The following NISCH variants were observed in gnomAD, a reference collection of about 807,000 sequenced individuals.
NISCH encodes the protein nischarin, also known as I-1 receptor candidate protein.
In NISCH, 55 loss-of-function variants were observed where a neutral mutation model predicts 138.4. The observed-to-expected ratio is 0.40, with a 90% CI of 0.32 to 0.50. The LOEUF is 0.50. Among genes scored for constraint, NISCH ranks in the 20% least tolerant of loss-of-function variants. NISCH has a pLI of 0.71. For missense variants in NISCH, 1,643 were observed against 2,005.5 expected (o/e 0.82, Z 3.45); for synonymous variants, 860 against 861.5 (o/e 1.00, Z 0.03).
intron 18 of NISCH, 99 bp from the exon 19 acceptor site, chr3:52,490,606 G>C: frequency 6.5e-7 from 1 of 1,537,378 alleles, no homozygotes; most frequent in Non-Finnish European, 8.9e-7. Context: ...TGGAAGCCAG[G>C]CCAGCCAAGA....
chr3:52,478,881 A>C (rs1243980677), intron 11 of NISCH, among the ~76,000 whole-genome samples: 1 of 152,102 alleles, frequency 6.6e-6, no homozygotes, highest in Non-Finnish European at 1.5e-5. Context: ...TGTAAACCCA[A>C]AGGGTTTGCC....
At chr3:52,458,913 A>T in intron 3 of NISCH, 69 bp downstream of exon 3, 1 of 1,393,034 alleles carries the variant, frequency 7.2e-7, no homozygotes, top group East Asian at 2.3e-5. Flanking sequence ...GCAGCAAACC[A>T]GGGGAGACCT....
chr3:52,492,160 A>G lies in NISCH; in HGVS notation c.4193A>G (p.Glu1398Gly). 6.2e-7 allele frequency: 1 copy of G among 1,613,044 alleles called. No homozygotes were observed. The highest frequency in any genetic ancestry group is 2.2e-5 in the East Asian group (1 of 44,874). Reference protein sequence around the residue: ...VHYPLPEFAKEPPQRDRYRLD... With the variant: ...VHYPLPEFAKGPPQRDRYRLD... Reference sequence around the variant, plus strand: ...TACCCACTGCCCGAGTTTGCCAAAGAGCCGCCGCAGAGAGACAGGTACCGG... The same window carrying G: ...TACCCACTGCCCGAGTTTGCCAAAGGGCCGCCGCAGAGAGACAGGTACCGG... Residue 1398 changes from glutamate to glycine, a missense_variant, in exon 21 of 21, where the codon GAG (glutamate) becomes GGG (glycine). Physicochemically the swap from Glu to Gly is moderately conservative, Grantham distance 98. Transcript: ENST00000345716.
chr3:52,457,675 C>G (rs1409921340), intron 1 of NISCH, among the ~76,000 whole-genome samples, 168 bp from the exon 2 acceptor site: 1 of 152,200 alleles, frequency 6.6e-6, no homozygotes, highest in African/African-American at 2.4e-5. Flanking sequence ...GGTGCAGAGG[C>G]TGGTGGGCAA....
chr3:52,480,069 A>G (rs1380167273), intron 12 of NISCH, 115 bp from the exon 13 acceptor site: 1 of 1,197,824 alleles, frequency 8.3e-7, no homozygotes, highest in African/African-American at 1.5e-5. Context: ...ATATGATGAG[A>G]CCATCTTTAC....
chr3:52,466,649 A>G (rs534965664), intron 3 of NISCH, among the ~76,000 whole-genome samples: 1 of 152,014 alleles, frequency 6.6e-6, no homozygotes, highest in South Asian at 2.1e-4. Context: ...CCTCAGTGAC[A>G]TGTAATTCAC....
At chr3:52,457,155 G>C (rs185996991) in intron 1 of NISCH, among the ~76,000 whole-genome samples, 1 of 152,190 alleles carries the variant, frequency 6.6e-6, no homozygotes, top group Non-Finnish European at 1.5e-5. Context: ...AGAGAACTTA[G>C]GCTCCAAGTT....
intron 2 of NISCH, among the ~76,000 whole-genome samples, chr3:52,458,459 A>G (rs9850471): frequency 0.96 from 146,639 of 152,278 alleles, 70,657 homozygotes; most frequent in African/African-American, 0.99. Flanking sequence ...TTCCTTGTCT[A>G]GAATTGTATT....
intron 6 of NISCH, 60 bp downstream of exon 6, chr3:52,472,458 G>T: frequency 2.1e-6 from 3 of 1,410,984 alleles, no homozygotes; most frequent in Non-Finnish European, 2.0e-6. Flanking sequence ...GAGAGTGTTT[G>T]TGATGTTGGG....
intron 3 of NISCH, among the ~76,000 whole-genome samples, chr3:52,462,534 C>G (rs1706664837): frequency 1.3e-5 from 2 of 152,244 alleles, no homozygotes; most frequent in Admixed American, 1.3e-4. Context: ...TTTATACTGT[C>G]TGTATCCTCT....
At chr3:52,480,466 G>A in intron 13 of NISCH, 171 bp downstream of exon 13, 34 of 1,533,712 alleles carry the variant, frequency 2.2e-5, no homozygotes, top group Non-Finnish European at 2.9e-5. Flanking sequence ...TGGCAGGGGT[G>A]CCTGGCCTGA....
At position 52,487,490 on chromosome 3, in the gene NISCH, G is replaced by T; in HGVS notation, c.1998G>T (p.Glu666Asp). 1 of 1,599,940 alleles carries T rather than the reference G, an allele frequency of 6.3e-7. No homozygotes were observed. The change falls in exon 16 of 21, where the codon GAG becomes GAT. Residue 666 changes from glutamate to aspartate, a missense_variant. By Grantham distance (45) the Glu-to-Asp change is conservative. Transcript: ENST00000345716. The surrounding 1 kb of genome is among the most constrained non-coding windows in gnomAD (Gnocchi z 9.1). ...EMGPPDVEEE[E>D]GGGQGEEEEE... is the part of the protein sequence containing the mutation. Reference sequence around the variant, plus strand: ...GGCCCCCAGACGTGGAGGAGGAGGAGGGAGGAGGCCAGGGGGAGGAAGAGG... The same window carrying T: ...GGCCCCCAGACGTGGAGGAGGAGGATGGAGGAGGCCAGGGGGAGGAAGAGG...
chr3:52,457,803 G>C (rs758205362), intron 1 of NISCH, 40 bp from the exon 2 acceptor site: 1 of 1,420,700 alleles, frequency 7.0e-7, no homozygotes, highest in South Asian at 1.2e-5. Flanking sequence ...CCTTGTTGCT[G>C]GGCTCCCTTG....
Position 52,491,531 on chromosome 3 carries a change from A to G in NISCH, c.3904+18A>G, listed in dbSNP as rs894889659. 3 of 1,601,450 alleles carry G rather than the reference A, an allele frequency of 1.9e-6. No homozygotes were observed. The highest frequency in any genetic ancestry group is 2.6e-6 in the Non-Finnish European group (3 of 1,172,794). On this transcript the variant is annotated intron_variant, in intron 20 of 20. Coordinates refer to ENST00000345716, the MANE Select transcript of NISCH (RefSeq NM_007184.4). ...GACCACAGGTACCCCTGTCTAGCTCAGGCTGCAGACAGGCTGCCTGGACAG... is the reference window on the plus strand; with the variant it reads ...GACCACAGGTACCCCTGTCTAGCTCGGGCTGCAGACAGGCTGCCTGGACAG...
chr3:52,490,130 C>T lies in NISCH; in HGVS notation c.3512C>T (p.Thr1171Ile). ...TGGTCCTCGGTGGTGTTCTACCAGA[C>T]CCCAGGGCTGGAGGTGACTGCCTGC... ...LMWSSVVFYQ[T>I]PGLEVTACVL... The change falls in exon 18 of 21, where the codon ACC becomes ATC. Residue 1171 changes from threonine (T) to isoleucine (I), a missense_variant. Transcript: ENST00000345716. 1 of 1,613,584 alleles carries T rather than the reference C, an allele frequency of 6.2e-7. No homozygotes were observed. The highest frequency in any genetic ancestry group is 8.5e-7 in the Non-Finnish European group (1 of 1,180,022).
At chr3:52,491,239 C>T in intron 19 of NISCH, 113 bp from the exon 20 acceptor site, 2 of 1,451,486 alleles carry the variant, frequency 1.4e-6, no homozygotes, top group Non-Finnish European at 9.1e-7. Context: ...TGTGGGCCCT[C>T]CTGGCCCTGG....
At chr3:52,485,214 C>G (rs1707374406) in intron 14 of NISCH, among the ~76,000 whole-genome samples, 1 of 152,128 alleles carries the variant, frequency 6.6e-6, no homozygotes, top group Non-Finnish European at 1.5e-5. Context: ...TGCTTGGTGC[C>G]TGGGCCTCCC....
chr3:52,480,176 G>T lies in NISCH; in HGVS notation c.1417-8G>T, dbSNP rs371552355. 1.2e-6 allele frequency: 2 copies of T among 1,613,736 alleles called. No homozygotes were observed. Among genetic ancestry groups the T allele is most frequent in the East Asian group, 4.5e-5 (2 of 44,888 alleles). On this transcript the variant is annotated splice_region_variant and splice_polypyrimidine_tract_variant and intron_variant, in intron 12 of 20. Coordinates refer to ENST00000345716, the MANE Select transcript of NISCH (RefSeq NM_007184.4). ...CTCTCCCGGGCTGACTCAAGCACTC[G>T]TCCTCAGGGTGGTGAAGACTCCCGG...
rs71084184 is a variant in NISCH, at chr3:52,463,714, C to CTTTTTTTTTT, written c.360+4886_360+4895dup. Among the ~76,000 whole-genome samples the CTTTTTTTTTT allele has an allele frequency of 4.8e-5, 2 of 41,402 alleles. 1 individual carries two copies. 27.2% of individuals were successfully genotyped at this position (41,402 alleles called of 152,430 possible). A position where few individuals can be genotyped will look rare whatever the true frequency, so the allele number is the denominator to read the frequency against. On this transcript the variant is annotated intron_variant, in intron 3 of 20. Transcript: ENST00000345716. Reference sequence around the variant, plus strand: ...CCTAATGACTAATGTTATTGAACCTCTTTTTTTTTTTTTTTTTTTTTTTTT... The same window carrying CTTTTTTTTTT: ...CCTAATGACTAATGTTATTGAACCTCTTTTTTTTTTTTTTTTTTTTTTTTTTTTTTTTTTT...
Sources: gnomAD v4.1 joint callset for allele counts (sites outside exome capture counted in the v4.1 genomes callset) on GRCh38, gnomAD v4.1.1 for gene constraint, Gnocchi (gnomAD v3.1) non-coding constraint, MANE v1.5 for transcripts, NCBI Gene and HGNC (gene_info 2026-07-23, HGNC 2026-07-21) for gene names.